The following GABRB1 variants were observed in gnomAD, a reference collection of about 807,000 sequenced individuals.
GABRB1 encodes the protein gamma-aminobutyric acid receptor subunit beta-1.
GABRB1 carries 17 observed loss-of-function variants against 51.6 expected under a neutral mutation model. The ratio of observed to expected loss-of-function variants is 0.33; its 90% CI spans 0.23 to 0.49. The LOEUF is 0.49. Ranked by LOEUF, GABRB1 falls within the 20% of genes least tolerant of loss-of-function variation. The probability of loss-of-function intolerance (pLI) is 0.99; values close to 1 mark genes in which losing one functional copy is unlikely to be tolerated. For missense variants in GABRB1, 410 were observed against 600.6 expected (o/e 0.68, Z 3.32); for synonymous variants, 247 against 218.9 (o/e 1.13, Z -1.14).
chr4:47,119,910 G>A (rs987333743), intron 3 of GABRB1, among the ~76,000 whole-genome samples: 14 of 151,508 alleles, frequency 9.2e-5, no homozygotes, highest in Non-Finnish European at 1.5e-4. Context: ...AAAAAAAAAA[G>A]GGCATGTGGC....
At chr4:47,400,179 T>G (rs1314455336) in intron 5 of GABRB1, among the ~76,000 whole-genome samples, 2 of 152,182 alleles carry the variant, frequency 1.3e-5, no homozygotes, top group Admixed American at 6.5e-5. Context: ...CTTCAATTTA[T>G]CTAAGACATT....
At chr4:47,325,782 A>G (rs188468032) in intron 5 of GABRB1, among the ~76,000 whole-genome samples, 1 of 152,286 alleles carries the variant, frequency 6.6e-6, no homozygotes, top group East Asian at 1.9e-4. Flanking sequence ...CCTCCAATCT[A>G]AGTTAGGAAC....
chr4:47,251,521 C>T (rs1721987805), intron 4 of GABRB1, among the ~76,000 whole-genome samples: 1 of 152,046 alleles, frequency 6.6e-6, no homozygotes, highest in Admixed American at 6.6e-5. Context: ...AGATTATATG[C>T]CCTTTGTCTT....
Position 47,341,335 on chromosome 4 carries a change from T to TG in GABRB1, c.544+21128dup, listed in dbSNP as rs770027955. ...CATTGTTTCGATCCCACAACACCAG[T>TG]GGCCATGCTCTCTGGAAATTAATCA... On this transcript the variant is annotated intron_variant, in intron 5 of 8. Coordinates refer to ENST00000295454, the MANE Select transcript of GABRB1 (RefSeq NM_000812.4). Among the ~76,000 whole-genome samples, 490 of 152,316 alleles carry TG rather than the reference T, an allele frequency of 3.2e-3. 1 individual carries two copies. Among genetic ancestry groups the TG allele is most frequent in the Middle Eastern group, 0.02 (6 of 294 alleles).
chr4:47,366,623 G>A (rs73249647), intron 5 of GABRB1, among the ~76,000 whole-genome samples: 2,343 of 127,334 alleles, frequency 0.018, 39 homozygotes, highest in Non-Finnish European at 0.029. Flanking sequence ...AGCATAAGAT[G>A]GGAAAATAAA....
intron 3 of GABRB1, among the ~76,000 whole-genome samples, chr4:47,114,968 C>T (rs865779286): frequency 7.2e-5 from 11 of 152,192 alleles, no homozygotes; most frequent in African/African-American, 2.4e-4. Flanking sequence ...TAGAACTTCT[C>T]AATTCCTTGA....
At chr4:47,406,550 A>T in intron 7 of GABRB1, 132 bp from the exon 8 acceptor site, 1 of 1,086,758 alleles carries the variant, frequency 9.2e-7, no homozygotes, top group Admixed American at 2.3e-5. Flanking sequence ...TTTTTGCCCA[A>T]TGGTTTATCA....
At chr4:47,394,414 G>T (rs1728110331) in intron 5 of GABRB1, among the ~76,000 whole-genome samples, 1 of 152,108 alleles carries the variant, frequency 6.6e-6, no homozygotes, top group Admixed American at 6.5e-5. Flanking sequence ...CTAACTAAAA[G>T]CAAAACCATG....
intron 1 of GABRB1, among the ~76,000 whole-genome samples, chr4:47,019,625 C>CTCTTTCTTTCTTTCTT (rs1157555893): frequency 0.021 from 1,870 of 91,060 alleles, 49 homozygotes; most frequent in Admixed American, 0.045. Flanking sequence ...TTCTTTCTCT[C>CTCTTTCTTTCTTTCTT]TCTTTCTTTC....
intron 4 of GABRB1, among the ~76,000 whole-genome samples, chr4:47,234,711 C>T (rs1305897819): frequency 1.3e-5 from 2 of 152,238 alleles, no homozygotes; most frequent in East Asian, 3.9e-4. Flanking sequence ...AAAAATTCTC[C>T]CTTCACTCTA....
Position 47,195,452 on chromosome 4 carries a change from TAGATTAGATGATAGATAGATAGATA to T in GABRB1, c.461+33984_461+34008del, listed in dbSNP as rs1560580393. 7.2e-3 allele frequency among the ~76,000 whole-genome samples: 698 copies of T among 96,570 alleles called. 7 individuals carry two copies. The highest frequency in any genetic ancestry group is 0.029 in the Admixed American group (261 of 9,154). 63.4% of individuals were successfully genotyped at this position (96,570 alleles called of 152,430 possible). A position where few individuals can be genotyped will look rare whatever the true frequency, so the allele number is the denominator to read the frequency against. On this transcript the variant is annotated intron_variant, in intron 4 of 8. Transcript: ENST00000295454. ...GATAGATAGATAGATAGATGATAGATAGATTAGATGATAGATAGATAGATAGATAGATAGATAGATAGATAGATAG... is the reference window on the plus strand; with the variant it reads ...GATAGATAGATAGATAGATGATAGATGATAGATAGATAGATAGATAGATAG...
chr4:47,262,636 C>T (rs546253950), intron 4 of GABRB1, among the ~76,000 whole-genome samples: 79 of 152,244 alleles, frequency 5.2e-4, no homozygotes, highest in East Asian at 1.7e-3. Context: ...GTCAGTGTGG[C>T]GATTCTTCAG....
chr4:47,251,898 G>T lies in GABRB1; in HGVS notation c.462-68229G>T, dbSNP rs1203596340. Among the ~76,000 whole-genome samples the T allele has an allele frequency of 3.9e-5, 6 of 152,260 alleles. No individual in the cohort carries two copies. The East Asian group carries it at 1.2e-3, about 29-fold the overall frequency. ...GTGGGCGAGCCAGACTTGAGAACTTGCCCCAGGCTATCCGCCTCCCAACTG... is the reference window on the plus strand; with the variant it reads ...GTGGGCGAGCCAGACTTGAGAACTTTCCCCAGGCTATCCGCCTCCCAACTG... On this transcript the variant is annotated intron_variant, in intron 4 of 8. Transcript: ENST00000295454.
chr4:47,023,855 A>G (rs1187334548), intron 1 of GABRB1, among the ~76,000 whole-genome samples: 1 of 152,020 alleles, frequency 6.6e-6, no homozygotes, highest in Non-Finnish European at 1.5e-5. Context: ...GTGTAAACTA[A>G]TAACTGTTGT....
At chr4:47,394,396 CTA>C (rs757895241) in intron 5 of GABRB1, among the ~76,000 whole-genome samples, 14 of 152,194 alleles carry the variant, frequency 9.2e-5, no homozygotes, top group Non-Finnish European at 1.9e-4. Context: ...TGTAATTATT[CTA>C]TGTTTCTAAC....
chr4:47,276,470 G>A (rs16860101), intron 4 of GABRB1, among the ~76,000 whole-genome samples: 8 of 151,980 alleles, frequency 5.3e-5, no homozygotes, highest in Non-Finnish European at 1.0e-4. Flanking sequence ...CATCTGTCCC[G>A]AGAAATAGTT....
rs145116325 is a variant in GABRB1, at chr4:47,219,257, G to A, written c.461+57788G>A. 7.9e-3 allele frequency among the ~76,000 whole-genome samples: 1,204 copies of A among 151,894 alleles called. 13 individuals carry two copies. The highest frequency in any genetic ancestry group is 0.027 in the African/African-American group (1,109 of 41,520). On this transcript the variant is annotated intron_variant, in intron 4 of 8. Coordinates refer to ENST00000295454, the MANE Select transcript of GABRB1 (RefSeq NM_000812.4). ...ATATATTAAAGTTCAATTACTAAACGTAATTCTATAAGGAATTGGCTGAGT... is the reference window on the plus strand; with the variant it reads ...ATATATTAAAGTTCAATTACTAAACATAATTCTATAAGGAATTGGCTGAGT...
At chr4:47,354,248 C>T (rs1393857801) in intron 5 of GABRB1, among the ~76,000 whole-genome samples, 1 of 152,144 alleles carries the variant, frequency 6.6e-6, no homozygotes, top group Non-Finnish European at 1.5e-5. Flanking sequence ...ATTTAATATG[C>T]TTAATATTAA....
chr4:47,326,643 A>G (rs917889562), intron 5 of GABRB1, among the ~76,000 whole-genome samples: 4 of 152,094 alleles, frequency 2.6e-5, no homozygotes, highest in Non-Finnish European at 4.4e-5. Context: ...CTCTTATAAA[A>G]GAAGCCCTGA....
Sources: gnomAD v4.1 joint callset for allele counts (sites outside exome capture counted in the v4.1 genomes callset) on GRCh38, gnomAD v4.1.1 for gene constraint, MANE v1.5 for transcripts, NCBI Gene and HGNC (gene_info 2026-07-23, HGNC 2026-07-21) for gene names.